TRIM67: variants seen among roughly 807,000 people sequenced by gnomAD.
The protein encoded by TRIM67 is tripartite motif containing 67.
Under a neutral mutation model 71.0 loss-of-function variants are expected in TRIM67, and 39 were observed. The observed-to-expected ratio is 0.55, with a 90% CI of 0.43 to 0.72. TRIM67 has a LOEUF of 0.72. Ranked by LOEUF, TRIM67 falls within the 30% of genes least tolerant of loss-of-function variation. TRIM67 has a pLI of 0.00. For synonymous variants in TRIM67, 481 were observed against 473.9 expected, an observed-to-expected ratio of 1.01 and a Z score of -0.19; for missense variants, 973 against 1,079.2, an observed-to-expected ratio of 0.90 and a Z score of 1.38.
Position 231,163,021 on chromosome 1 carries a change from A to T in TRIM67, c.52A>T (p.Ile18Phe). 1 of 1,612,804 alleles carries T rather than the reference A, an allele frequency of 6.2e-7. No homozygotes were observed. Among genetic ancestry groups the T allele is most frequent in the Non-Finnish European group, 8.5e-7 (1 of 1,179,392 alleles). Residue 18 changes from isoleucine (I) to phenylalanine (F), a missense_variant, in exon 1 of 10, where the codon ATC (isoleucine) becomes TTC (phenylalanine). By Grantham distance (21) the Ile-to-Phe change is conservative. Around this residue, in one of 2 missense-constraint regions of TRIM67, gnomAD observed 795 missense variants for 831.3 expected, o/e 0.96. Transcript: ENST00000366653. ...PVCGSLFREP[I>F]ILPCSHNVCL... ...GTGCGGCTCTCTGTTTCGGGAGCCT[A>T]TCATCCTGCCCTGTTCCCACAATGT... is the stretch of plus-strand genomic sequence containing the variant.
chr1:231,196,531 G>C (rs900079953), intron 1 of TRIM67, among the ~76,000 whole-genome samples: 1 of 150,982 alleles, frequency 6.6e-6, no homozygotes, highest in African/African-American at 2.4e-5. Context: ...AGTCATGATT[G>C]AGCCACTGCA....
chr1:231,204,711 A>C (rs544408655), intron 6 of TRIM67, among the ~76,000 whole-genome samples: 146 of 152,324 alleles, frequency 9.6e-4, no homozygotes, highest in African/African-American at 3.2e-3. Context: ...TTCCTAGCCC[A>C]GAGAAGATTA....
Position 231,199,069 on chromosome 1 carries a change from C to G in TRIM67, c.1163C>G (p.Ala388Gly). 3 of 1,613,992 alleles carry G rather than the reference C, an allele frequency of 1.9e-6. No homozygotes were observed. Among genetic ancestry groups the G allele is most frequent in the Non-Finnish European group, 2.5e-6 (3 of 1,179,880 alleles). Residue 388 changes from alanine to glycine, a missense_variant, in exon 3 of 10, where the codon GCC becomes GGC. Around this residue, in one of 2 missense-constraint regions of TRIM67, gnomAD observed 795 missense variants for 831.3 expected, o/e 0.96. Coordinates refer to ENST00000366653, the MANE Select transcript of TRIM67 (RefSeq NM_001004342.5). ...CAGGAAAACGGACTGGACTACGAAGCCTGCCTCGTTGCTCAGTGTGATGCC... is the reference window on the plus strand; with the variant it reads ...CAGGAAAACGGACTGGACTACGAAGGCTGCCTCGTTGCTCAGTGTGATGCC... ...QIQENGLDYEACLVAQCDALV... is the reference protein window; with the variant it reads ...QIQENGLDYEGCLVAQCDALV...
Position 231,176,026 on chromosome 1 carries a change from C to A in TRIM67, c.1044+12013C>A, listed in dbSNP as rs113671473. ...TGTCATGGGAGGGTGGAATGTGGGACCCAGCTAAAGTTTCCCAGTTAAAGC... is the reference window on the plus strand; with the variant it reads ...TGTCATGGGAGGGTGGAATGTGGGAACCAGCTAAAGTTTCCCAGTTAAAGC... On this transcript the variant is annotated intron_variant, in intron 1 of 9. Transcript: ENST00000366653. Among the ~76,000 whole-genome samples the A allele has an allele frequency of 3.3e-3, 497 of 152,254 alleles. 5 individuals are homozygous for A. Among genetic ancestry groups the A allele is most frequent in the African/African-American group, 0.011 (468 of 41,538 alleles).
rs563351753 is a variant in TRIM67 at position 231,219,767 on chromosome 1, C to G, written c.*4327C>G. 8.3e-7 allele frequency: 1 copy of G among 1,208,394 alleles called. No individual in the cohort carries two copies. Among genetic ancestry groups the G allele is most frequent in the South Asian group, 1.5e-5 (1 of 67,020 alleles). 74.9% of individuals were successfully genotyped at this position (1,208,394 alleles called of 1,614,324 possible). ...ATGGTGATGCTGGAAAATTTCAGGA[C>G]TTTTCTTTTGCAAGTGAGCCGGTAG... On this transcript the variant is annotated 3_prime_UTR_variant, in exon 10 of 10. Transcript: ENST00000366653.
rs145912105 is a variant in TRIM67, at chr1:231,188,854, T to G, written c.1045-8517T>G. Among the ~76,000 whole-genome samples the G allele has an allele frequency of 1.1e-3, 162 of 152,306 alleles. 2 individuals carry two copies. Among genetic ancestry groups the G allele is most frequent in the African/African-American group, 3.9e-3 (161 of 41,564 alleles). Reference sequence around the variant, plus strand: ...CAGTTGCTACTGATCCTGTCCCACCTCAGGAGAGGAGAGGCCATCAAGTCC... The same window carrying G: ...CAGTTGCTACTGATCCTGTCCCACCGCAGGAGAGGAGAGGCCATCAAGTCC... On this transcript the variant is annotated intron_variant, in intron 1 of 9. Transcript: ENST00000366653.
intron 5 of TRIM67, among the ~76,000 whole-genome samples, chr1:231,202,414 T>A (rs1683579955): frequency 6.6e-6 from 1 of 152,130 alleles, no homozygotes; most frequent in Admixed American, 6.5e-5. Context: ...ATCAGTTTTC[T>A]CTGTCCCAAG....
At position 231,209,318 on chromosome 1, in the gene TRIM67, G is replaced by T. The variant is rs1264335407; in HGVS notation, c.2123+68G>T. 2 of 1,449,566 alleles carry T rather than the reference G, an allele frequency of 1.4e-6. No homozygotes were observed. Among genetic ancestry groups the T allele is most frequent in the East Asian group, 2.4e-5 (1 of 40,966 alleles). 89.8% of individuals were successfully genotyped at this position (1,449,566 alleles called of 1,614,324 possible). ...TTGGGAATGAGGGTCCTGAAGACCA[G>T]TGTCCCTTCTGCTGTCCCCAAAGCC... On this transcript the variant is annotated intron_variant, in intron 8 of 9. Transcript: ENST00000366653. The surrounding 1 kb of genome is among the most constrained non-coding windows in gnomAD (Gnocchi z 4.1).
intron 6 of TRIM67, 115 bp downstream of exon 6, chr1:231,204,127 A>AG: frequency 6.9e-7 from 1 of 1,454,606 alleles, no homozygotes; most frequent in Non-Finnish European, 9.3e-7. Context: ...TGCCATCCTG[A>AG]GGGGACACTG....
At chr1:231,215,302 GC>G in intron 9 of TRIM67, 72 bp from the exon 10 acceptor site, 9 of 1,553,172 alleles carry the variant, frequency 5.8e-6, no homozygotes, top group Non-Finnish European at 7.9e-6. Flanking sequence ...GCCGGTGTCT[GC>G]GGTGCTGTCA....
In TRIM67 at chr1:231,163,191, C is replaced by T. The variant is rs113255684; in HGVS notation, c.222C>T (p.Gly74=). ...AASLEHDAAA[G]PACGGAGGSA... ...CTCTGGAGCACGACGCTGCGGCTGG[C>T]CCGGCCTGCGGCGGTGCAGGCGGGA... Residue 74 remains glycine, a synonymous_variant, in exon 1 of 10, where the codon GGC becomes GGT. Transcript: ENST00000366653. The T allele has an allele frequency of 0.011, 17,068 of 1,501,072 alleles. 1,305 individuals carry two copies. In the African/African-American group the frequency reaches 0.19, roughly 17 times the overall value. The allele number at this position is 1,501,072 out of a possible 1,614,324, so 93.0% of individuals were successfully genotyped here. A position where few individuals can be genotyped will look rare whatever the true frequency, so the allele number is the denominator to read the frequency against.
intron 9 of TRIM67, 100 bp from the exon 10 acceptor site, chr1:231,215,275 A>G: frequency 6.7e-7 from 1 of 1,492,586 alleles, no homozygotes; most frequent in Non-Finnish European, 9.0e-7. Flanking sequence ...ATGGCCCTGG[A>G]GCCAGCAGGG....
chr1:231,218,732 T>G lies in TRIM67; in HGVS notation c.*3292T>G, dbSNP rs902635002. ...CTTCAGCCTGATATGTACTTTGTAGTTGCAACAGCGCCCTAGGTGCCCTAT... is the reference window on the plus strand; with the variant it reads ...CTTCAGCCTGATATGTACTTTGTAGGTGCAACAGCGCCCTAGGTGCCCTAT... On this transcript the variant is annotated 3_prime_UTR_variant, in exon 10 of 10. Transcript: ENST00000366653. The G allele has an allele frequency of 1.0e-6, 1 of 985,326 alleles. No individual in the cohort carries two copies. Among genetic ancestry groups the G allele is most frequent in the Non-Finnish European group, 1.2e-6 (1 of 829,960 alleles). The allele number at this position is 985,326 out of a possible 1,614,324, so 61.0% of individuals were successfully genotyped here. A position where few individuals can be genotyped will look rare whatever the true frequency, so the allele number is the denominator to read the frequency against.
At chr1:231,186,888 G>C (rs914063360) in intron 1 of TRIM67, among the ~76,000 whole-genome samples, 5 of 149,416 alleles carry the variant, frequency 3.3e-5, no homozygotes, top group Non-Finnish European at 7.4e-5. Context: ...AAGCTTGGAT[G>C]ATGGGAAGGT....
At chr1:231,186,669 T>C (rs1189267560) in intron 1 of TRIM67, among the ~76,000 whole-genome samples, 1 of 152,138 alleles carries the variant, frequency 6.6e-6, no homozygotes, top group Non-Finnish European at 1.5e-5. Flanking sequence ...AATGACCTCA[T>C]TCTAACTGAA....
In TRIM67 at chr1:231,163,366, G is replaced by A; in HGVS notation, c.397G>A (p.Ala133Thr). 6.5e-7 allele frequency: 1 copy of A among 1,533,362 alleles called. No individual in the cohort carries two copies. The highest frequency in any genetic ancestry group is 2.6e-5 in the East Asian group (1 of 39,152). The allele number at this position is 1,533,362 out of a possible 1,614,324, so 95.0% of individuals were successfully genotyped here. The change falls in exon 1 of 10, where the codon GCA (alanine) becomes ACA (threonine). Residue 133 changes from alanine (A) to threonine (T), a missense_variant. By Grantham distance (58) the Ala-to-Thr change is moderately conservative. Coordinates refer to ENST00000366653, the MANE Select transcript of TRIM67 (RefSeq NM_001004342.5). ...GGTTCGCGTGCTGCCCATGGTGCCC[G>A]CACCACCCGGCTCCTCGGCTGCGGC... ...NGVRVLPMVP[A>T]PPGSSAAAAR...
rs765830761 is a variant in TRIM67, at chr1:231,163,316, C to A, written c.347C>A (p.Thr116Asn). The A allele has an allele frequency of 1.3e-6, 2 of 1,521,650 alleles. No individual in the cohort carries two copies. The highest frequency in any genetic ancestry group is 2.5e-5 in the South Asian group (2 of 80,678). 94.3% of individuals were successfully genotyped at this position (1,521,650 alleles called of 1,614,324 possible). ...ACAGACAGCGGCTACGGGTCCTACA[C>A]CCCGAGCCTCAAGTCCCCCAACGGG... ...SETDSGYGSY[T>N]PSLKSPNGVR... is the part of the protein sequence containing the mutation. Residue 116 changes from threonine (T) to asparagine (N), a missense_variant, in exon 1 of 10, where the codon ACC becomes AAC. Physicochemically the swap from Thr to Asn is moderately conservative, Grantham distance 65 (BLOSUM62 0). Around this residue, in one of 2 missense-constraint regions of TRIM67, gnomAD observed 795 missense variants for 831.3 expected, o/e 0.96. Transcript: ENST00000366653.
At chr1:231,167,339 T>C (rs1293696046) in intron 1 of TRIM67, among the ~76,000 whole-genome samples, 1 of 72,954 alleles carries the variant, frequency 1.4e-5, no homozygotes, top group Non-Finnish European at 2.4e-5. Context: ...TTTTTTTTTT[T>C]TGAGACGGAG....
Position 231,199,216 on chromosome 1 carries a change from G to A in TRIM67, c.1263+47G>A, listed in dbSNP as rs1683455667. 8.8e-6 allele frequency: 14 copies of A among 1,588,226 alleles called. No individual in the cohort carries two copies. The East Asian group carries it at 2.7e-4, about 31-fold the overall frequency. On this transcript the variant is annotated intron_variant, in intron 3 of 9. Coordinates refer to ENST00000366653, the MANE Select transcript of TRIM67 (RefSeq NM_001004342.5). ...ACATTGAATCCCTGCCACATCCTCT[G>A]CACCCAGCGTGGGGTGGAGCACAGA...
Sources: allele counts gnomAD v4.1 joint callset (sites outside exome capture counted in the v4.1 genomes callset), GRCh38; gene constraint gnomAD v4.1.1; regional missense constraint gnomAD v4.1.1; non-coding constraint Gnocchi (gnomAD v3.1); transcripts MANE v1.5; gene names NCBI Gene and HGNC (gene_info 2026-07-23, HGNC 2026-07-21).